Variants in UGT2A1 observed in about 807,000 individuals in gnomAD.
UGT2A1 encodes UDP-glucuronosyltransferase 2A1.
Under a neutral mutation model 45.4 loss-of-function variants are expected in UGT2A1, and 61 were observed. That is an observed-to-expected ratio of 1.34 (90% CI 1.09 to 1.66). The LOEUF is 1.66. UGT2A1 is among the 40% of genes most tolerant of loss of function. UGT2A1 has a pLI of 0.00. For synonymous variants in UGT2A1, 229 were observed against 196.2 expected (o/e 1.17, Z -1.40); for missense variants, 649 against 574.3 (o/e 1.13, Z -1.33).
At chr4:69,597,479 G>T (rs1316637048) in intron 4 of UGT2A1, among the ~76,000 whole-genome samples, 1 of 152,078 alleles carries the variant, frequency 6.6e-6, no homozygotes, top group Non-Finnish European at 1.5e-5. Flanking sequence ...CTATATGAAT[G>T]CTACTTTCTA....
Position 69,647,209 on chromosome 4 carries a change from C to A in UGT2A1, c.436G>T (p.Val146Phe). 1 of 1,613,284 alleles carries A rather than the reference C, an allele frequency of 6.2e-7. No individual in the cohort carries two copies. Among genetic ancestry groups the A allele is most frequent in the Non-Finnish European group, 8.5e-7 (1 of 1,179,468 alleles). ...MAKLKKSKFE[V>F]LVSDPVFPCG... ...GGAAATACTGGATCAGACACCAGGA[C>A]TTCAAACTTGCTTTTCTTTAGCTTT... The change falls in exon 2 of 7, where the codon GTC becomes TTC. Residue 146 changes from valine (V) to phenylalanine (F), a missense_variant. Coordinates refer to ENST00000286604, the MANE Select transcript of UGT2A1 (RefSeq NM_001252275.3).
chr4:69,632,064 TAAC>T (rs1024338232), intron 3 of UGT2A1, among the ~76,000 whole-genome samples: 1 of 152,190 alleles, frequency 6.6e-6, no homozygotes, highest in Non-Finnish European at 1.5e-5. Context: ...TGATGTATAT[TAAC>T]TTTATTTTTG....
chr4:69,609,582 G>T (rs930619474), intron 3 of UGT2A1, among the ~76,000 whole-genome samples: 5 of 152,070 alleles, frequency 3.3e-5, no homozygotes, highest in African/African-American at 4.8e-5. Flanking sequence ...ATAGTTTGCA[G>T]AACAATGGGA....
At chr4:69,609,080 G>A (rs2217587) in intron 3 of UGT2A1, among the ~76,000 whole-genome samples, 35,337 of 151,450 alleles carry the variant, frequency 0.23, 4,331 homozygotes, top group Middle Eastern at 0.32. Flanking sequence ...AAAAGATAAT[G>A]AGAAAACCAT....
chr4:69,605,597 A>T (rs1719559617), intron 3 of UGT2A1, among the ~76,000 whole-genome samples: 1 of 136,774 alleles, frequency 7.3e-6, no homozygotes, highest in African/African-American at 3.0e-5. Context: ...GGAAATAGAG[A>T]CACAAAAAAC....
chr4:69,596,437 GT>G, intron 4 of UGT2A1: 1 of 1,419,248 alleles, frequency 7.0e-7, no homozygotes, highest in South Asian at 1.7e-5. Flanking sequence ...GAAAAAATAA[GT>G]TTACTTACAC....
intron 3 of UGT2A1, among the ~76,000 whole-genome samples, chr4:69,607,754 G>A (rs1262380783): frequency 1.3e-5 from 2 of 152,168 alleles, no homozygotes; most frequent in Non-Finnish European, 2.9e-5. Context: ...CAACAAGTGG[G>A]TGAAGGATAT....
intron 1 of UGT2A1, among the ~76,000 whole-genome samples, chr4:69,648,156 A>T (rs972119953): frequency 1.3e-5 from 2 of 150,414 alleles, no homozygotes; most frequent in South Asian, 4.2e-4. Context: ...AATATATAAG[A>T]TTGTCAAATA....
At position 69,595,237 on chromosome 4, in the gene UGT2A1, A is replaced by G. The variant is rs745395054; in HGVS notation, c.1009T>C (p.Tyr337His). 18 of 1,613,708 alleles carry G rather than the reference A, an allele frequency of 1.1e-5. No homozygotes were observed. The South Asian group carries it at 1.9e-4, about 17-fold the overall frequency. ...AKPLPKVLWR[Y>H]KGKKPATLGN... The stretch of plus-strand genomic sequence containing the variant: ...AATGTGGCTGGTTTCTTTCCTTTGT[A>G]TCTCCATAAAACCTGTGGAAAATGG... The change falls in exon 5 of 7, where the codon TAC becomes CAC. Residue 337 changes from tyrosine (Y) to histidine (H), a missense_variant. By Grantham distance (83) the Tyr-to-His change is moderately conservative. Transcript: ENST00000286604.
intron 1 of UGT2A1, among the ~76,000 whole-genome samples, chr4:69,648,058 T>G (rs1315547651): frequency 6.6e-6 from 1 of 151,756 alleles, no homozygotes. Context: ...ATTCAGAAAT[T>G]TAAAGATGTT....
intron 2 of UGT2A1, among the ~76,000 whole-genome samples, 160 bp from the exon 3 acceptor site, chr4:69,635,982 C>T (rs1476763471): frequency 1.3e-5 from 2 of 151,932 alleles, no homozygotes; most frequent in South Asian, 2.1e-4. Context: ...CCTGATATCC[C>T]TGTTCCCTTA....
chr4:69,594,730 A>G, intron 5 of UGT2A1, 34 bp from the exon 6 acceptor site: 1 of 1,592,524 alleles, frequency 6.3e-7, no homozygotes. Context: ...GTGGGTGTGT[A>G]ATAATAACAC....
chr4:69,624,505 T>C (rs1221102224), intron 3 of UGT2A1, among the ~76,000 whole-genome samples: 1 of 151,480 alleles, frequency 6.6e-6, no homozygotes, highest in Non-Finnish European at 1.5e-5. Flanking sequence ...ATTTTGCTAC[T>C]TTTTTTAAGT....
rs1416378380 is a variant in UGT2A1, at chr4:69,614,163, G to T, written c.848-14769C>A. Among the ~76,000 whole-genome samples, 5 of 151,766 alleles carry T rather than the reference G, an allele frequency of 3.3e-5. No homozygotes were observed. In the East Asian group the frequency reaches 9.6e-4, roughly 29 times the overall value. On this transcript the variant is annotated intron_variant, in intron 3 of 6. Coordinates refer to ENST00000286604, the MANE Select transcript of UGT2A1 (RefSeq NM_001252275.3). ...CAAAATCAACATACAAATATCAGTG[G>T]CATTTCTATATGCCAACAGTGAACC...
intron 2 of UGT2A1, among the ~76,000 whole-genome samples, chr4:69,642,425 G>A (rs1040110162): frequency 5.9e-5 from 9 of 151,430 alleles, no homozygotes; most frequent in Admixed American, 3.3e-4. Context: ...GGAAAGCAAA[G>A]GAATGATTAG....
At chr4:69,604,822 G>A (rs1223380241) in intron 3 of UGT2A1, among the ~76,000 whole-genome samples, 3 of 136,936 alleles carry the variant, frequency 2.2e-5, no homozygotes, top group African/African-American at 8.9e-5. Flanking sequence ...AAGAGACAAA[G>A]AAGGCCATTA....
At position 69,594,666 on chromosome 4, in the gene UGT2A1, T is replaced by A. The variant is rs150970095; in HGVS notation, c.1115A>T (p.His372Leu). 11 of 1,613,892 alleles carry A rather than the reference T, an allele frequency of 6.8e-6. No homozygotes were observed. In the African/African-American group the frequency reaches 1.2e-4, roughly 18 times the overall value. The change falls in exon 6 of 7, where the codon CAT becomes CTT. Residue 372 changes from histidine to leucine, a missense_variant. Transcript: ENST00000286604. ...GHPKTKAFIT[H>L]GGTNGIYEAI... ...TTCGTAGATCCCATTAGTTCCACCA[T>A]GAGTGATAAAAGCTTTGGTTTTGGG...
At chr4:69,597,583 G>C (rs986536933) in intron 4 of UGT2A1, among the ~76,000 whole-genome samples, 6 of 152,088 alleles carry the variant, frequency 3.9e-5, no homozygotes, top group Non-Finnish European at 7.4e-5. Context: ...AACTAGGGGA[G>C]GGTGATATCT....
intron 3 of UGT2A1, among the ~76,000 whole-genome samples, chr4:69,601,252 C>T (rs927896187): frequency 6.6e-6 from 1 of 152,122 alleles, no homozygotes; most frequent in South Asian, 2.1e-4. Flanking sequence ...CTCACTGTGA[C>T]CACTACTCAT....
Sources: allele counts gnomAD v4.1 joint callset (sites outside exome capture counted in the v4.1 genomes callset), GRCh38; gene constraint gnomAD v4.1.1; transcripts MANE v1.5; gene names NCBI Gene and HGNC (gene_info 2026-07-23, HGNC 2026-07-21).